The following USP54 variants were observed in gnomAD, a reference collection of about 807,000 sequenced individuals.
USP54 encodes ubiquitin carboxyl-terminal hydrolase 54.
USP54 carries 87 observed loss-of-function variants against 170.5 expected under a neutral mutation model. The ratio of observed to expected loss-of-function variants is 0.51; its 90% confidence interval spans 0.43 to 0.61. The LOEUF is 0.61. USP54 is among the 20% of genes least tolerant of loss of function. The pLI is 0.00. For missense variants in USP54, 1,786 were observed against 2,047.8 expected (o/e 0.87, Z 2.47); for synonymous variants, 655 against 742.8 (o/e 0.88, Z 1.92).
chr10:73,561,120 A>G (rs1447587962), intron 4 of USP54, among the ~76,000 whole-genome samples: 2 of 150,838 alleles, frequency 1.3e-5, no homozygotes, highest in African/African-American at 2.4e-5. Flanking sequence ...AAAAAAAAAA[A>G]AAAAAAAAGA....
chr10:73,537,368 A>G (rs1300794558), intron 10 of USP54, among the ~76,000 whole-genome samples: 1 of 152,198 alleles, frequency 6.6e-6, no homozygotes, highest in East Asian at 1.9e-4. Flanking sequence ...ATACTTTACT[A>G]TTTGTGGAAG....
chr10:73,592,194 A>T (rs1034457114), upstream of USP54, among the ~76,000 whole-genome samples: 9 of 152,112 alleles, frequency 5.9e-5, no homozygotes, highest in Admixed American at 5.9e-4. Context: ...CCTTCTATGT[A>T]TTACCTGAGG....
At chr10:73,502,817 T>C (rs527271529) in intron 22 of USP54, among the ~76,000 whole-genome samples, 2 of 152,296 alleles carry the variant, frequency 1.3e-5, no homozygotes, top group Admixed American at 1.3e-4. Context: ...TGGCTATGAT[T>C]CCCAGATTTC....
intron 22 of USP54, among the ~76,000 whole-genome samples, chr10:73,501,773 C>T (rs749853196): frequency 3.9e-5 from 6 of 152,272 alleles, no homozygotes; most frequent in Middle Eastern, 6.8e-3. Context: ...CTCAAACACA[C>T]CAAGCTCATT....
intron 4 of USP54, among the ~76,000 whole-genome samples, chr10:73,569,078 T>A (rs1178064831): frequency 6.6e-6 from 1 of 152,194 alleles, no homozygotes; most frequent in Non-Finnish European, 1.5e-5. Context: ...AGTGCTCTCA[T>A]CCCTTCTTGG....
chr10:73,499,124 G>T lies in USP54; in HGVS notation c.4560C>A (p.Ala1520=). 6.2e-7 allele frequency: 1 copy of T among 1,613,988 alleles called. No individual in the cohort carries two copies. Among genetic ancestry groups the T allele is most frequent in the Non-Finnish European group, 8.5e-7 (1 of 1,179,944 alleles). ...AGTTCAAAGTCCTTCCTGTGTACTT[G>T]GCCCCTTGGGAAGTTTCACCCCTGT... is the stretch of plus-strand genomic sequence containing the variant. ...MCDRGETSQG[A]KYTGRTLNYQ... Residue 1520 remains alanine (A), a synonymous_variant, in exon 24 of 24, where the codon GCC becomes GCA. Coordinates refer to ENST00000687698, the MANE Select transcript of USP54 (RefSeq NM_001391956.1).
intron 17 of USP54, among the ~76,000 whole-genome samples, chr10:73,522,370 A>G (rs1487254729): frequency 6.6e-6 from 1 of 152,254 alleles, no homozygotes; most frequent in Non-Finnish European, 1.5e-5. Flanking sequence ...ATAGTTGATC[A>G]ATCACTGTAC....
Position 73,498,568 on chromosome 10 carries a change from C to T in USP54, c.*61G>A. 2 of 1,472,376 alleles carry T rather than the reference C, an allele frequency of 1.4e-6. No homozygotes were observed. The highest frequency in any genetic ancestry group is 1.8e-6 in the Non-Finnish European group (2 of 1,105,172). 91.2% of individuals were successfully genotyped at this position (1,472,376 alleles called of 1,614,324 possible). A position where few individuals can be genotyped will look rare whatever the true frequency, so the allele number is the denominator to read the frequency against. On this transcript the variant is annotated 3_prime_UTR_variant, in exon 24 of 24. Coordinates refer to ENST00000687698, the MANE Select transcript of USP54 (RefSeq NM_001391956.1). Reference sequence around the variant, plus strand: ...GGATTACAGGTGTGAGCCACCGCGCCCGGCCCACAGTACAGTTTTACAAAG... The same window carrying T: ...GGATTACAGGTGTGAGCCACCGCGCTCGGCCCACAGTACAGTTTTACAAAG...
upstream of USP54, among the ~76,000 whole-genome samples, chr10:73,591,963 T>C (rs1265768678): frequency 2.0e-5 from 3 of 152,152 alleles, no homozygotes; most frequent in African/African-American, 4.8e-5. Context: ...AACTGAGCCA[T>C]TGGAATCTAC....
At chr10:73,565,909 A>G (rs1427776838) in intron 4 of USP54, among the ~76,000 whole-genome samples, 1 of 152,210 alleles carries the variant, frequency 6.6e-6, no homozygotes, top group Non-Finnish European at 1.5e-5. Context: ...CTGGTAGAAG[A>G]GATCACCAAC....
At chr10:73,588,679 A>G (rs1457428395) in intron 1 of USP54, among the ~76,000 whole-genome samples, 1 of 152,252 alleles carries the variant, frequency 6.6e-6, no homozygotes, top group Non-Finnish European at 1.5e-5. Flanking sequence ...CTTCAGTGAC[A>G]AAATACAGCC....
chr10:73,601,789 ATCATTTCCTGG>A (rs1311233677), intron 1 of USP54, among the ~76,000 whole-genome samples: 1 of 152,214 alleles, frequency 6.6e-6, no homozygotes, highest in African/African-American at 2.4e-5. Context: ...GTGCCATGGA[ATCATTTCCTGG>A]TCTAGCCACC....
At position 73,530,392 on chromosome 10, in the gene USP54, T is replaced by A. The variant is rs1238454786; in HGVS notation, c.1579A>T (p.Asn527Tyr). Residue 527 changes from asparagine (N) to tyrosine (Y), a missense_variant, in exon 14 of 24, where the codon AAT becomes TAT. Transcript: ENST00000687698. The stretch of plus-strand genomic sequence containing the variant: ...CTGCCCCTGCAGTGAGAGCCTACAT[T>A]GGTCTGAGAAGCCAGGGATGGTCTG... ...HNRPSLASQT[N>Y]VGSHCRGRGG... The A allele has an allele frequency of 6.2e-7, 1 of 1,614,034 alleles. No homozygotes were observed. The highest frequency in any genetic ancestry group is 8.5e-7 in the Non-Finnish European group (1 of 1,180,038).
chr10:73,595,256 A>G (rs770460344), upstream of USP54, among the ~76,000 whole-genome samples: 9 of 151,390 alleles, frequency 5.9e-5, no homozygotes, highest in South Asian at 4.2e-4. Flanking sequence ...GAGTCTCACT[A>G]TGTTGCCCAG....
intron 1 of USP54, among the ~76,000 whole-genome samples, chr10:73,598,651 C>T (rs972094274): frequency 3.3e-5 from 5 of 151,998 alleles, no homozygotes; most frequent in Admixed American, 6.6e-5. Context: ...GCGGCTCACA[C>T]CTGTAATCCC....
intron 4 of USP54, among the ~76,000 whole-genome samples, chr10:73,553,689 A>G (rs1410118065): frequency 6.6e-6 from 1 of 152,226 alleles, no homozygotes; most frequent in Non-Finnish European, 1.5e-5. Context: ...ACCAAAACCC[A>G]AGAATCACTT....
intron 20 of USP54, among the ~76,000 whole-genome samples, chr10:73,510,851 G>C (rs1391801104): frequency 6.6e-6 from 1 of 152,050 alleles, no homozygotes; most frequent in Non-Finnish European, 1.5e-5. Flanking sequence ...CAAGTTCAAA[G>C]TACAATGAAA....
intron 1 of USP54, among the ~76,000 whole-genome samples, chr10:73,616,344 A>G (rs1411447472): frequency 2.2e-5 from 3 of 137,606 alleles, no homozygotes; most frequent in African/African-American, 8.0e-5. Context: ...TCAAAAAAAA[A>G]AAAAAAAAAA....
intron 1 of USP54, among the ~76,000 whole-genome samples, chr10:73,583,294 T>A (rs1049421372): frequency 2.0e-5 from 3 of 151,698 alleles, no homozygotes; most frequent in Non-Finnish European, 4.4e-5. Flanking sequence ...ACAAAGAAAA[T>A]TTTTTTTTGA....
Sources: gnomAD v4.1 joint callset for allele counts (sites outside exome capture counted in the v4.1 genomes callset) on GRCh38, gnomAD v4.1.1 for gene constraint, MANE v1.5 for transcripts, NCBI Gene and HGNC (gene_info 2026-07-23, HGNC 2026-07-21) for gene names.